Variants in CSMD1 observed in about 807,000 individuals in gnomAD.
CSMD1 encodes CUB and sushi domain-containing protein 1.
CSMD1 carries 213 observed loss-of-function variants against 417.5 expected under a neutral mutation model. The observed-to-expected ratio is 0.51, with a 90% CI of 0.46 to 0.57. The LOEUF (loss-of-function observed/expected upper bound fraction) is 0.57, where lower values mean the gene tolerates loss of function less well. Ranked by LOEUF, CSMD1 falls within the 20% of genes least tolerant of loss-of-function variation. The pLI is 0.00. For synonymous variants in CSMD1, 2,862 were observed against 1,736.8 expected (o/e 1.65, Z -16.11); for missense variants, 6,923 against 4,529.7 (o/e 1.53, Z -15.17).
intron 1 of CSMD1, among the ~76,000 whole-genome samples, chr8:4,779,430 G>C (rs987500987): frequency 6.6e-5 from 10 of 152,160 alleles, no homozygotes; most frequent in African/African-American, 2.2e-4. Flanking sequence ...CTGTGAAAGA[G>C]AAAACTCACC....
intron 26 of CSMD1, among the ~76,000 whole-genome samples, chr8:3,255,100 T>A (rs943537891): frequency 2.6e-5 from 4 of 152,226 alleles, no homozygotes; most frequent in African/African-American, 9.6e-5. Flanking sequence ...GTCAGGACCC[T>A]CAGCTGCCGG....
intron 58 of CSMD1, 84 bp from the exon 59 acceptor site, chr8:2,966,038 C>T: frequency 8.2e-7 from 1 of 1,215,938 alleles, no homozygotes; most frequent in Non-Finnish European, 1.2e-6. Context: ...AAGATACTCT[C>T]TCTGAGTTGC....
chr8:4,021,433 T>A (rs1796783499), intron 4 of CSMD1, among the ~76,000 whole-genome samples: 1 of 152,232 alleles, frequency 6.6e-6, no homozygotes, highest in South Asian at 2.1e-4. Context: ...TGGACAGCAC[T>A]GCTCTAATTA....
chr8:3,495,056 T>C (rs1242587664), intron 10 of CSMD1, among the ~76,000 whole-genome samples: 1 of 152,216 alleles, frequency 6.6e-6, no homozygotes, highest in Non-Finnish European at 1.5e-5. Context: ...CATTATAATT[T>C]ATTTAAAAAA....
intron 59 of CSMD1, among the ~76,000 whole-genome samples, chr8:2,965,128 C>A (rs761813277): frequency 7.9e-5 from 12 of 152,180 alleles, no homozygotes; most frequent in Non-Finnish European, 1.5e-4. Context: ...ACGCAAATCC[C>A]TGGCCCTTGC....
intron 3 of CSMD1, among the ~76,000 whole-genome samples, chr8:4,104,685 C>G (rs773839199): frequency 7.9e-5 from 12 of 152,166 alleles, no homozygotes; most frequent in Non-Finnish European, 1.2e-4. Context: ...CAGCACAGTT[C>G]CAGGCGGTTT....
intron 5 of CSMD1, among the ~76,000 whole-genome samples, chr8:3,977,814 T>A (rs976055903): frequency 2.6e-5 from 4 of 152,328 alleles, no homozygotes; most frequent in East Asian, 3.9e-4. Context: ...TTTCCTTATA[T>A]GATTCTGTAG....
At chr8:3,322,779 C>A (rs1258237393) in intron 23 of CSMD1, among the ~76,000 whole-genome samples, 3 of 152,220 alleles carry the variant, frequency 2.0e-5, no homozygotes, top group Non-Finnish European at 4.4e-5. Context: ...AAACCTCAAA[C>A]ATCACCAAGG....
intron 3 of CSMD1, among the ~76,000 whole-genome samples, chr8:4,410,914 T>A (rs1405283040): frequency 6.6e-6 from 1 of 152,196 alleles, no homozygotes; most frequent in African/African-American, 2.4e-5. Flanking sequence ...GATCAATGAA[T>A]GTCTTTCTCT....
intron 2 of CSMD1, among the ~76,000 whole-genome samples, chr8:4,586,918 A>G (rs1205992535): frequency 2.0e-5 from 3 of 152,216 alleles, no homozygotes; most frequent in Non-Finnish European, 4.4e-5. Flanking sequence ...TTGATGAATA[A>G]ATAAATGAGA....
chr8:4,059,196 G>C (rs531734834), intron 3 of CSMD1, among the ~76,000 whole-genome samples: 1 of 152,144 alleles, frequency 6.6e-6, no homozygotes, highest in East Asian at 1.9e-4. Flanking sequence ...ATGACTACTG[G>C]GTACATAACG....
chr8:4,097,583 T>C (rs1327941376), intron 3 of CSMD1, among the ~76,000 whole-genome samples: 1 of 152,212 alleles, frequency 6.6e-6, no homozygotes, highest in African/African-American at 2.4e-5. Context: ...ATGATTCTAG[T>C]AACACCCAGA....
At chr8:4,071,970 C>G (rs1389333036) in intron 3 of CSMD1, among the ~76,000 whole-genome samples, 1 of 152,178 alleles carries the variant, frequency 6.6e-6, no homozygotes, top group Non-Finnish European at 1.5e-5. Flanking sequence ...CAGTCTAGAG[C>G]TCTCCTTTCT....
At chr8:4,741,652 G>A (rs1257906543) in intron 1 of CSMD1, among the ~76,000 whole-genome samples, 1 of 152,142 alleles carries the variant, frequency 6.6e-6, no homozygotes, top group African/African-American at 2.4e-5. Context: ...AGTTTACTTA[G>A]GAATTTAAGA....
chr8:4,466,148 TGAGAGAGTCTTACTCCGTGGTCTTAA>T (rs1348724160), intron 2 of CSMD1, among the ~76,000 whole-genome samples: 1 of 152,142 alleles, frequency 6.6e-6, no homozygotes, highest in Non-Finnish European at 1.5e-5. Flanking sequence ...TGAAATATTG[TGAGAGAGTCTTACTCCGTGGTCTTAA>T]GAGCTGTTTA....
intron 30 of CSMD1, among the ~76,000 whole-genome samples, chr8:3,209,084 G>C (rs892402548): frequency 1.3e-5 from 2 of 152,114 alleles, no homozygotes; most frequent in African/African-American, 4.8e-5. Flanking sequence ...TATGATAGTA[G>C]AGGACATTTT....
At chr8:3,350,970 G>A (rs1028773101) in intron 21 of CSMD1, among the ~76,000 whole-genome samples, 2 of 152,144 alleles carry the variant, frequency 1.3e-5, no homozygotes, top group African/African-American at 4.8e-5. Context: ...TGTATAGACA[G>A]ACAATGCTGC....
rs1810116767 is a variant in CSMD1, at chr8:3,931,246, T to C, written c.818+66657A>G. Among the ~76,000 whole-genome samples the C allele has an allele frequency of 1.3e-5, 2 of 150,620 alleles. 1 individual carries two copies. Among genetic ancestry groups the C allele is most frequent in the African/African-American group, 4.9e-5 (2 of 40,852 alleles). The stretch of plus-strand genomic sequence containing the variant: ...GGAGAATGATAATACATTTTGTTAG[T>C]TTCTCAGAACGCTCTGCATTTTGAA... On this transcript the variant is annotated intron_variant, in intron 5 of 69. Coordinates refer to ENST00000635120, the MANE Select transcript of CSMD1 (RefSeq NM_033225.6).
intron 1 of CSMD1, among the ~76,000 whole-genome samples, chr8:4,817,452 G>T (rs960124475): frequency 6.6e-6 from 1 of 152,208 alleles, no homozygotes; most frequent in African/African-American, 2.4e-5. Context: ...GGAGCAAGAC[G>T]CACCTTCTCT....
Sources: gnomAD v4.1 joint callset for allele counts (sites outside exome capture counted in the v4.1 genomes callset) on GRCh38, gnomAD v4.1.1 for gene constraint, MANE v1.5 for transcripts, NCBI Gene and HGNC (gene_info 2026-07-23, HGNC 2026-07-21) for gene names.